The following OPCML variants were observed in gnomAD, a reference collection of about 807,000 sequenced individuals.
OPCML encodes opioid-binding protein/cell adhesion molecule.
A neutral mutation model predicts 37.8 loss-of-function variants in OPCML; 13 were observed. That is an observed-to-expected ratio of 0.34 (90% CI 0.22 to 0.55). OPCML has a LOEUF of 0.55. Among genes scored for constraint, OPCML ranks in the 20% least tolerant of loss-of-function variants. The pLI, the probability that OPCML is intolerant of heterozygous loss-of-function variation, is 0.91. For synonymous variants in OPCML, 176 were observed against 168.8 expected (o/e 1.04, Z -0.33); for missense variants, 341 against 435.6 (o/e 0.78, Z 1.93).
intron 3 of OPCML, among the ~76,000 whole-genome samples, chr11:132,602,534 C>T (rs1937994451): frequency 6.6e-6 from 1 of 152,226 alleles, no homozygotes; most frequent in Non-Finnish European, 1.5e-5. Flanking sequence ...GGTTCTCTCA[C>T]ACATACTGAG....
chr11:132,679,851 T>G (rs570055086), intron 2 of OPCML, among the ~76,000 whole-genome samples: 1 of 152,344 alleles, frequency 6.6e-6, no homozygotes, highest in South Asian at 2.1e-4. Context: ...GTGATCAAAA[T>G]TAATGCTATG....
chr11:133,323,303 A>C (rs1420577805), intron 1 of OPCML, among the ~76,000 whole-genome samples: 1 of 152,226 alleles, frequency 6.6e-6, no homozygotes, highest in African/African-American at 2.4e-5. Context: ...TCCACAGCCC[A>C]CTTGTGTTCT....
At chr11:133,416,833 G>T (rs1262477079) in intron 1 of OPCML, among the ~76,000 whole-genome samples, 6 of 152,154 alleles carry the variant, frequency 3.9e-5, no homozygotes, top group Non-Finnish European at 8.8e-5. Context: ...TTATGCTAAA[G>T]AAGTGACAGG....
intron 1 of OPCML, among the ~76,000 whole-genome samples, chr11:133,369,350 C>T (rs547873634): frequency 1.4e-4 from 22 of 152,298 alleles, no homozygotes; most frequent in African/African-American, 5.3e-4. Context: ...GTAGGCAGTA[C>T]TGCAATGAAT....
chr11:133,481,009 G>T (rs1281070047), intron 1 of OPCML, among the ~76,000 whole-genome samples: 2 of 152,220 alleles, frequency 1.3e-5, no homozygotes, highest in African/African-American at 4.8e-5. Flanking sequence ...TGGGGCCCAG[G>T]CACTTGGGGG....
intron 1 of OPCML, among the ~76,000 whole-genome samples, chr11:133,113,134 C>T (rs1305525143): frequency 6.6e-6 from 1 of 152,080 alleles, no homozygotes; most frequent in Non-Finnish European, 1.5e-5. Context: ...ACTTATCATG[C>T]AAAAAAGCCA....
At chr11:133,482,999 G>A (rs1303700693) in intron 1 of OPCML, among the ~76,000 whole-genome samples, 2 of 152,060 alleles carry the variant, frequency 1.3e-5, no homozygotes, top group Non-Finnish European at 2.9e-5. Context: ...AACAATATTT[G>A]AAGTGTCTAA....
chr11:132,985,245 C>T (rs969247324), intron 1 of OPCML, among the ~76,000 whole-genome samples: 4 of 152,168 alleles, frequency 2.6e-5, no homozygotes, highest in Non-Finnish European at 5.9e-5. Context: ...GCACTCTACT[C>T]AGGACATCAC....
At chr11:132,570,804 TAGAGAGAG>T (rs1203341702) in intron 3 of OPCML, among the ~76,000 whole-genome samples, 1 of 90,762 alleles carries the variant, frequency 1.1e-5, no homozygotes, top group Non-Finnish European at 2.2e-5. Flanking sequence ...TATATATATT[TAGAGAGAG>T]AGAGAGAGGA....
At chr11:132,866,700 A>C (rs920160851) in intron 2 of OPCML, among the ~76,000 whole-genome samples, 2 of 152,226 alleles carry the variant, frequency 1.3e-5, no homozygotes, top group Non-Finnish European at 1.5e-5. Flanking sequence ...GAATATACAG[A>C]CAATTTTCAA....
intron 4 of OPCML, among the ~76,000 whole-genome samples, chr11:132,451,963 T>G (rs2096069399): frequency 6.6e-6 from 1 of 152,080 alleles, no homozygotes; most frequent in African/African-American, 2.4e-5. Context: ...CGGTACAGAG[T>G]AGGTTTCAAT....
At chr11:132,593,809 T>G (rs2096488413) in intron 3 of OPCML, among the ~76,000 whole-genome samples, 1 of 152,220 alleles carries the variant, frequency 6.6e-6, no homozygotes, top group Non-Finnish European at 1.5e-5. Flanking sequence ...TTACTGATAC[T>G]TGTCCTGTAA....
At chr11:132,494,262 T>C (rs2096224496) in intron 4 of OPCML, among the ~76,000 whole-genome samples, 1 of 152,360 alleles carries the variant, frequency 6.6e-6, no homozygotes, top group South Asian at 2.1e-4. Flanking sequence ...ATATGCCTCA[T>C]CTGCTGCTAC....
intron 3 of OPCML, among the ~76,000 whole-genome samples, chr11:132,588,678 G>A (rs752310790): frequency 7.2e-5 from 11 of 152,122 alleles, no homozygotes; most frequent in Non-Finnish European, 1.6e-4. Flanking sequence ...TTACATGTAG[G>A]ACTTCCATGT....
At chr11:133,422,564 G>A (rs1051138129) in intron 1 of OPCML, 23 of 952,780 alleles carry the variant, frequency 2.4e-5, no homozygotes, top group Non-Finnish European at 2.7e-5. Flanking sequence ...GCAGCGGTGC[G>A]AACATGCTCC....
chr11:133,292,450 T>C (rs1026820933), intron 1 of OPCML, among the ~76,000 whole-genome samples: 19 of 152,334 alleles, frequency 1.2e-4, no homozygotes, highest in Admixed American at 1.3e-4. Context: ...ATCCCTTCAA[T>C]ATTATTTTGT....
intron 2 of OPCML, among the ~76,000 whole-genome samples, chr11:132,876,323 A>C (rs1337263333): frequency 6.6e-6 from 1 of 152,222 alleles, no homozygotes; most frequent in African/African-American, 2.4e-5. Context: ...CCTCTGAAGT[A>C]TCCTAGCAAC....
intron 2 of OPCML, among the ~76,000 whole-genome samples, chr11:132,826,538 G>T (rs1221831788): frequency 6.6e-6 from 1 of 152,122 alleles, no homozygotes; most frequent in Non-Finnish European, 1.5e-5. Flanking sequence ...CACTCCAACA[G>T]CCATGTGACC....
intron 1 of OPCML, among the ~76,000 whole-genome samples, chr11:133,000,091 C>T (rs139199549): frequency 0.012 from 1,753 of 152,284 alleles, 33 homozygotes; most frequent in African/African-American, 0.04. Flanking sequence ...CAGTCTCACT[C>T]TGTTGGCCAG....
Sources: allele counts gnomAD v4.1 joint callset (sites outside exome capture counted in the v4.1 genomes callset), GRCh38; gene constraint gnomAD v4.1.1; transcripts MANE v1.5; gene names NCBI Gene and HGNC (gene_info 2026-07-23, HGNC 2026-07-21).